The following HAUS1 variants were observed in gnomAD, a reference collection of about 807,000 sequenced individuals.
The protein encoded by HAUS1 is HAUS augmin like complex subunit 1.
In HAUS1, 25 loss-of-function variants were observed where a neutral mutation model predicts 38.6. The observed-to-expected ratio is 0.65, with a 90% CI of 0.47 to 0.91. The LOEUF is 0.91. Among genes scored for constraint, HAUS1 ranks in the 40% least tolerant of loss-of-function variants. The pLI, the probability that HAUS1 is intolerant of heterozygous loss-of-function variation, is 0.00. For missense variants in HAUS1, 325 were observed against 328.4 expected (o/e 0.99, Z 0.08); for synonymous variants, 109 against 112.9 (o/e 0.97, Z 0.22).
intron 2 of HAUS1, chr18:46,109,526 T>C (rs759620280): frequency 2.6e-5 from 4 of 152,230 alleles, no homozygotes; most frequent in Non-Finnish European, 5.9e-5. Flanking sequence ...ATTTGTTTTA[T>C]GGCCTAGCAT....
chr18:46,122,329 C>T, intron 4 of HAUS1, 138 bp from the exon 5 acceptor site: 2 of 732,172 alleles, frequency 2.7e-6, no homozygotes, highest in Non-Finnish European at 2.2e-6. Flanking sequence ...ACCCAGAGTG[C>T]AACATGGAGG....
intron 2 of HAUS1, among the ~76,000 whole-genome samples, chr18:46,110,938 G>A (rs73440280): frequency 1.4e-5 from 2 of 141,346 alleles, no homozygotes; most frequent in South Asian, 2.3e-4. Context: ...GTGCAGTGGC[G>A]CATTCTCGGC....
At chr18:46,113,066 T>C (rs1357396072) in intron 2 of HAUS1, among the ~76,000 whole-genome samples, 1 of 135,720 alleles carries the variant, frequency 7.4e-6, no homozygotes, top group Admixed American at 8.7e-5. Flanking sequence ...ATATATAATA[T>C]ATATATTCCA....
At chr18:46,122,405 A>C in intron 4 of HAUS1, 62 bp from the exon 5 acceptor site, 3 of 1,523,770 alleles carry the variant, frequency 2.0e-6, no homozygotes, top group Non-Finnish European at 2.7e-6. Flanking sequence ...TAGAGTTTCT[A>C]TTGTACAATA....
At chr18:46,120,350 T>C (rs1223527256) in intron 4 of HAUS1, among the ~76,000 whole-genome samples, 1 of 151,726 alleles carries the variant, frequency 6.6e-6, no homozygotes, top group East Asian at 1.9e-4. Context: ...TTCTCCCGCC[T>C]CAGCCTCCCG....
intron 2 of HAUS1, among the ~76,000 whole-genome samples, chr18:46,115,950 A>T (rs1911785533): frequency 6.6e-6 from 1 of 151,788 alleles, no homozygotes; most frequent in African/African-American, 2.4e-5. Context: ...TACTAAAAAT[A>T]CAAAAATTAG....
chr18:46,119,869 G>T, intron 3 of HAUS1, 57 bp from the exon 4 acceptor site: 1 of 1,406,076 alleles, frequency 7.1e-7, no homozygotes, highest in South Asian at 1.5e-5. Flanking sequence ...TAGCAATGAG[G>T]AGTAATTATA....
chr18:46,122,937 G>T (rs1911984484), intron 5 of HAUS1, among the ~76,000 whole-genome samples: 1 of 152,158 alleles, frequency 6.6e-6, no homozygotes, highest in African/African-American at 2.4e-5. Context: ...GATGGGCTGG[G>T]CACGGTGGCT....
At chr18:46,106,460 C>G (rs1226988519) in intron 2 of HAUS1, among the ~76,000 whole-genome samples, 1 of 149,530 alleles carries the variant, frequency 6.7e-6, no homozygotes, top group East Asian at 2.0e-4. Context: ...CAGAGCAAGA[C>G]TCCGTCTCAA....
intron 2 of HAUS1, among the ~76,000 whole-genome samples, chr18:46,105,809 G>T (rs984002801): frequency 2.0e-5 from 3 of 152,102 alleles, no homozygotes; most frequent in African/African-American, 7.2e-5. Context: ...TCGAACTCCT[G>T]ACTTCAGGTG....
chr18:46,118,650 C>T (rs775850075), intron 3 of HAUS1, among the ~76,000 whole-genome samples: 54 of 152,166 alleles, frequency 3.5e-4, no homozygotes, highest in African/African-American at 1.2e-3. Context: ...TTATGTCTAC[C>T]TTTTTGTTAA....
rs774339046 is a variant in HAUS1, at chr18:46,105,312, A to G, written c.149A>G (p.Asp50Gly). The change falls in exon 2 of 9, where the codon GAT becomes GGT. Residue 50 changes from aspartate to glycine, a missense_variant. Physicochemically the swap from Asp to Gly is moderately conservative, Grantham distance 94. Coordinates refer to ENST00000282058, the MANE Select transcript of HAUS1 (RefSeq NM_138443.4). ...GAACGCAACAGGGTCCGGGACAGGG[A>G]TGTCTACCTGGTAATAGAGGACTTG... Reference protein sequence around the residue: ...LSERNRVRDRDVYLVIEDLKQ... With the variant: ...LSERNRVRDRGVYLVIEDLKQ... 2 of 1,613,690 alleles carry G rather than the reference A, an allele frequency of 1.2e-6. No individual in the cohort carries two copies. Among genetic ancestry groups the G allele is most frequent in the South Asian group, 2.2e-5 (2 of 91,066 alleles).
At chr18:46,125,526 AAC>A (rs1185224508) in intron 7 of HAUS1, among the ~76,000 whole-genome samples, 6 of 150,432 alleles carry the variant, frequency 4.0e-5, no homozygotes, top group Non-Finnish European at 7.4e-5. Flanking sequence ...CAGCCTGGGC[AAC>A]AGAGTGAGAC....
chr18:46,125,818 A>G (rs1912088640), intron 8 of HAUS1, 27 bp downstream of exon 8: 8 of 1,466,458 alleles, frequency 5.5e-6, no homozygotes, highest in Non-Finnish European at 5.7e-6. Flanking sequence ...ATTTTTTCAG[A>G]TTTTTTTAAA....
intron 4 of HAUS1, among the ~76,000 whole-genome samples, chr18:46,121,990 T>C (rs1351405030): frequency 6.6e-6 from 1 of 152,084 alleles, no homozygotes; most frequent in African/African-American, 2.4e-5. Context: ...TATGGGCGCA[T>C]GCCACCATGC....
At chr18:46,114,581 A>G (rs1006063496) in intron 2 of HAUS1, among the ~76,000 whole-genome samples, 27 of 152,198 alleles carry the variant, frequency 1.8e-4, no homozygotes, top group African/African-American at 6.3e-4. Context: ...AGGAGCTTCC[A>G]TTCCAAGAGC....
intron 7 of HAUS1, 134 bp from the exon 8 acceptor site, chr18:46,125,610 A>G (rs997765944): frequency 3.2e-5 from 18 of 561,416 alleles, no homozygotes; most frequent in Non-Finnish European, 4.8e-5. Flanking sequence ...TCAGTGGTAA[A>G]TTTCAGTGTT....
chr18:46,111,492 T>G (rs912850928), intron 2 of HAUS1, among the ~76,000 whole-genome samples: 1 of 152,142 alleles, frequency 6.6e-6, no homozygotes, highest in African/African-American at 2.4e-5. Context: ...TGGCTAATTT[T>G]TGTATTTTTA....
intron 2 of HAUS1, among the ~76,000 whole-genome samples, chr18:46,115,804 C>G (rs945745172): frequency 1.3e-5 from 2 of 152,078 alleles, no homozygotes; most frequent in African/African-American, 4.8e-5. Flanking sequence ...CTTTTGTTCT[C>G]AAAGGACACC....
Sources: gnomAD v4.1 joint callset for allele counts (sites outside exome capture counted in the v4.1 genomes callset) on GRCh38, gnomAD v4.1.1 for gene constraint, MANE v1.5 for transcripts, NCBI Gene and HGNC (gene_info 2026-07-23, HGNC 2026-07-21) for gene names.